Variants in GLIS3 observed in about 807,000 individuals in gnomAD.
The protein encoded by GLIS3 is zinc finger protein GLIS3.
GLIS3 carries 53 observed loss-of-function variants against 78.6 expected under a neutral mutation model. That is an observed-to-expected ratio of 0.67 (90% CI 0.54 to 0.85). The LOEUF is 0.85. GLIS3 is among the 40% of genes least tolerant of loss of function. The probability of loss-of-function intolerance (pLI) is 0.00; values close to 1 mark genes in which losing one functional copy is unlikely to be tolerated. For missense variants in GLIS3, 1,703 were observed against 1,231.1 expected (o/e 1.38, Z -5.74); for synonymous variants, 684 against 509.9 (o/e 1.34, Z -4.60).
rs142896867 is a variant in GLIS3, at chr9:3,910,258, T to G, written c.1984-11423A>C. ...TTCAAAATGCTGTAGTATCATAGAATTTCAGCCATGGAAGGGGCATGGTTT... is the reference window on the plus strand; with the variant it reads ...TTCAAAATGCTGTAGTATCATAGAAGTTCAGCCATGGAAGGGGCATGGTTT... On this transcript the variant is annotated intron_variant, in intron 6 of 10. Transcript: ENST00000381971. Among the ~76,000 whole-genome samples the G allele has an allele frequency of 3.4e-3, 517 of 152,324 alleles. 3 individuals carry two copies. Among genetic ancestry groups the G allele is most frequent in the African/African-American group, 0.012 (497 of 41,576 alleles).
chr9:4,219,855 G>C (rs1563777218), intron 2 of GLIS3, among the ~76,000 whole-genome samples: 2 of 152,142 alleles, frequency 1.3e-5, no homozygotes, highest in South Asian at 2.1e-4. Flanking sequence ...CCTGCTGAGA[G>C]AGCCTAGAAG....
chr9:3,843,604 T>A (rs759155341), intron 9 of GLIS3, among the ~76,000 whole-genome samples: 1 of 152,234 alleles, frequency 6.6e-6, no homozygotes, highest in Non-Finnish European at 1.5e-5. Context: ...AATTTCTGTA[T>A]ACCCATAGTT....
intron 4 of GLIS3, among the ~76,000 whole-genome samples, chr9:4,084,256 A>AACACACACATACACACACAC (rs1554691507): frequency 3.6e-4 from 47 of 132,204 alleles, no homozygotes; most frequent in Non-Finnish European, 4.8e-4. Context: ...TCCTCTCTCT[A>AACACACACATACACACACAC]ACACACACAC....
chr9:4,234,012 A>C (rs1356447059), intron 2 of GLIS3, among the ~76,000 whole-genome samples: 1 of 152,194 alleles, frequency 6.6e-6, no homozygotes, highest in Non-Finnish European at 1.5e-5. Flanking sequence ...CACGTCTCTC[A>C]GCCTTTGTAA....
rs1825295920 is a variant in GLIS3 at position 3,926,908 on chromosome 9, A to AT, written c.1983+5451_1983+5452insA. Among the ~76,000 whole-genome samples the AT allele has an allele frequency of 8.5e-5, 13 of 152,204 alleles. No individual in the cohort carries two copies. The South Asian group carries it at 2.3e-3, about 27-fold the overall frequency. On this transcript the variant is annotated intron_variant, in intron 6 of 10. Coordinates refer to ENST00000381971, the MANE Select transcript of GLIS3 (RefSeq NM_001042413.2). ...CCAAAGTGCTGGGATTACAGGCGTG[A>AT]GCCATTGGGCCTGGCCTCATTTCTA...
chr9:4,460,056 C>A, the GLIS3 span, among the ~76,000 whole-genome samples: 1 of 152,040 alleles, frequency 6.6e-6, no homozygotes, highest in Non-Finnish European at 1.5e-5. Flanking sequence ...TCTTTAAAAT[C>A]CTAGAGACAG....
chr9:4,354,960 C>CA, the GLIS3 span, among the ~76,000 whole-genome samples: 1 of 151,576 alleles, frequency 6.6e-6, no homozygotes, highest in Non-Finnish European at 1.5e-5. Flanking sequence ...ACTAAAAATA[C>CA]CAAAAATTAC....
At chr9:4,090,316 T>A (rs1176091570) in intron 4 of GLIS3, among the ~76,000 whole-genome samples, 2 of 152,090 alleles carry the variant, frequency 1.3e-5, no homozygotes, top group African/African-American at 4.8e-5. Flanking sequence ...TGATTTGAGT[T>A]TAAGAAAAGC....
At position 4,178,157 on chromosome 9, in the gene GLIS3, G is replaced by C. The variant is rs563684409; in HGVS notation, c.389-52216C>G. ...TCTCCAAGTGAACTAGAATGACTCT[G>C]GTCAGTTGCATAATGCAGGCTGGGT... is the stretch of plus-strand genomic sequence containing the variant. On this transcript the variant is annotated intron_variant, in intron 2 of 10. Transcript: ENST00000381971. 2.0e-5 allele frequency among the ~76,000 whole-genome samples: 3 copies of C among 152,262 alleles called. No homozygotes were observed. In the South Asian group the frequency reaches 6.2e-4, roughly 32 times the overall value.
At chr9:3,885,263 C>T (rs982607825) in intron 7 of GLIS3, among the ~76,000 whole-genome samples, 5 of 152,146 alleles carry the variant, frequency 3.3e-5, no homozygotes, top group South Asian at 2.1e-4. Context: ...TTATATGCAT[C>T]CTTTACCACA....
At chr9:4,132,026 T>G (rs1007197557) in intron 2 of GLIS3, among the ~76,000 whole-genome samples, 9 of 151,278 alleles carry the variant, frequency 5.9e-5, no homozygotes, top group Admixed American at 5.9e-4. Flanking sequence ...CTTTCTGCTT[T>G]AAGTCTACGG....
intron 3 of GLIS3, among the ~76,000 whole-genome samples, chr9:4,309,416 G>A (rs76643921): frequency 6.6e-6 from 1 of 152,154 alleles, no homozygotes; most frequent in Non-Finnish European, 1.5e-5. Flanking sequence ...TGGGGCGGGG[G>A]GAGCACAGTA....
At chr9:4,375,753 AAC>A in the GLIS3 span, among the ~76,000 whole-genome samples, 2 of 152,234 alleles carry the variant, frequency 1.3e-5, no homozygotes, top group Non-Finnish European at 2.9e-5. Context: ...GCCAACCAAT[AAC>A]AGTCAGTGCG....
intron 5 of GLIS3, among the ~76,000 whole-genome samples, chr9:3,933,754 C>T (rs1051353659): frequency 6.6e-6 from 1 of 152,124 alleles, no homozygotes; most frequent in African/African-American, 2.4e-5. Flanking sequence ...AATGTTGCTT[C>T]TGTTTTTATG....
chr9:4,106,662 C>G lies in GLIS3; in HGVS notation c.1710+11106G>C, dbSNP rs141690593. Among the ~76,000 whole-genome samples the G allele has an allele frequency of 6.5e-4, 99 of 152,222 alleles. No homozygotes were observed. The East Asian group carries it at 0.013, about 20-fold the overall frequency. ...CAGAGAATAGAAGAGCATTTATGAC[C>G]ACATTGTGTGTATCAAATAAGCTAC... is the stretch of plus-strand genomic sequence containing the variant. On this transcript the variant is annotated intron_variant, in intron 4 of 10. Transcript: ENST00000381971.
chr9:3,963,552 G>T (rs879429976), intron 4 of GLIS3, among the ~76,000 whole-genome samples: 25 of 152,306 alleles, frequency 1.6e-4, no homozygotes, highest in Non-Finnish European at 2.8e-4. Flanking sequence ...CAGAGTAAAA[G>T]TCAGCTCTGT....
intron 2 of GLIS3, among the ~76,000 whole-genome samples, chr9:4,253,561 C>T (rs149559276): frequency 3.9e-5 from 6 of 152,308 alleles, no homozygotes; most frequent in Admixed American, 6.5e-5. Flanking sequence ...GGGTGGGATC[C>T]GCTGAGCTAG....
At chr9:3,991,743 T>A (rs1272827039) in intron 4 of GLIS3, among the ~76,000 whole-genome samples, 15 of 137,586 alleles carry the variant, frequency 1.1e-4, no homozygotes, top group African/African-American at 3.0e-4. Flanking sequence ...CAGGCTGGAG[T>A]GCAGTGGTGG....
At chr9:4,240,910 AG>A (rs1378243830) in intron 2 of GLIS3, among the ~76,000 whole-genome samples, 2 of 151,822 alleles carry the variant, frequency 1.3e-5, no homozygotes, top group African/African-American at 2.4e-5. Context: ...ATGACACAGG[AG>A]GAAAAAAAGA....
Sources: gnomAD v4.1 joint callset for allele counts (sites outside exome capture counted in the v4.1 genomes callset) on GRCh38, gnomAD v4.1.1 for gene constraint, MANE v1.5 for transcripts, NCBI Gene and HGNC (gene_info 2026-07-23, HGNC 2026-07-21) for gene names.